The following ZNRF3 variants were observed in gnomAD, a reference collection of about 807,000 sequenced individuals.
ZNRF3 encodes the protein zinc and ring finger 3, also known as E3 ubiquitin-protein ligase ZNRF3.
A neutral mutation model predicts 72.5 loss-of-function variants in ZNRF3; 23 were observed. The observed-to-expected ratio is 0.32, with a 90% CI of 0.23 to 0.45. ZNRF3 has a LOEUF of 0.45. ZNRF3 is among the 20% of genes least tolerant of loss of function. ZNRF3 has a pLI of 1.00. For missense variants in ZNRF3, 1,169 were observed against 1,272.1 expected (o/e 0.92, Z 1.23); for synonymous variants, 610 against 545.3 (o/e 1.12, Z -1.65).
At chr22:28,897,691 T>G (rs1003856873) in intron 1 of ZNRF3, among the ~76,000 whole-genome samples, 1 of 152,236 alleles carries the variant, frequency 6.6e-6, no homozygotes, top group African/African-American at 2.4e-5. Flanking sequence ...CCGTCTTTGC[T>G]TTCCACTGTC....
At chr22:28,984,937 C>T (rs1045872531) in intron 1 of ZNRF3, among the ~76,000 whole-genome samples, 4 of 152,294 alleles carry the variant, frequency 2.6e-5, no homozygotes, top group East Asian at 1.9e-4. Flanking sequence ...TCCCAGGGCC[C>T]TCTATCTCAT....
Position 29,046,877 on chromosome 22 carries a change from T to C in ZNRF3, c.906T>C (p.Asp302=). ...DCAICLEKYI[D]GEELRVIPCT... ...CCATCTGTCTGGAGAAGTACATTGA[T>C]GGAGAGGTAATGGCAGAAGCAGGCC... Residue 302 remains aspartate (D), a synonymous_variant, in exon 6 of 9, where the codon GAT becomes GAC. Transcript: ENST00000544604. 2.5e-6 allele frequency: 4 copies of C among 1,577,148 alleles called. No homozygotes were observed. Among genetic ancestry groups the C allele is most frequent in the Non-Finnish European group, 3.5e-6 (4 of 1,158,824 alleles).
At chr22:29,023,648 C>T (rs967119779) in intron 2 of ZNRF3, among the ~76,000 whole-genome samples, 4 of 152,202 alleles carry the variant, frequency 2.6e-5, no homozygotes, top group Non-Finnish European at 5.9e-5. Flanking sequence ...GGGTGTGCTG[C>T]ATTGTCTCCC....
chr22:28,952,340 C>T (rs975862491), intron 1 of ZNRF3, among the ~76,000 whole-genome samples: 2 of 152,212 alleles, frequency 1.3e-5, no homozygotes, highest in Non-Finnish European at 2.9e-5. Context: ...ACGGGTGCTC[C>T]ACTGCAGCAG....
chr22:29,014,111 A>G (rs1458940961), intron 2 of ZNRF3, among the ~76,000 whole-genome samples: 2 of 152,230 alleles, frequency 1.3e-5, no homozygotes, highest in African/African-American at 2.4e-5. Flanking sequence ...TTTCTGTGTC[A>G]TTGCTGTAAA....
chr22:29,021,228 G>C (rs1374743143), intron 2 of ZNRF3, among the ~76,000 whole-genome samples: 1 of 151,494 alleles, frequency 6.6e-6, no homozygotes. Context: ...GCGAAACTCT[G>C]TCTCAAAAAA....
intron 1 of ZNRF3, among the ~76,000 whole-genome samples, chr22:28,934,944 A>G (rs1413592278): frequency 6.6e-6 from 1 of 151,672 alleles, no homozygotes; most frequent in African/African-American, 2.4e-5. Flanking sequence ...CTCTATACTC[A>G]CACATGGTTT....
chr22:29,044,741 A>T, intron 4 of ZNRF3, 39 bp from the exon 5 acceptor site: 1 of 1,429,338 alleles, frequency 7.0e-7, no homozygotes, highest in Non-Finnish European at 9.9e-7. Flanking sequence ...ACCAGGCTGG[A>T]GAGAGGCTGT....
intron 1 of ZNRF3, among the ~76,000 whole-genome samples, chr22:28,909,747 A>ATTTTTTTT (rs11432409): frequency 1.8e-5 from 2 of 113,890 alleles, no homozygotes; most frequent in African/African-American, 3.2e-5. Context: ...TGCCTGGCTA[A>ATTTTTTTT]TTTTTTTTTT....
At chr22:28,949,870 A>C (rs1308665669) in intron 1 of ZNRF3, among the ~76,000 whole-genome samples, 1 of 152,238 alleles carries the variant, frequency 6.6e-6, no homozygotes, top group East Asian at 1.9e-4. Context: ...TACAGCTAAC[A>C]ATCACACAAG....
intron 1 of ZNRF3, among the ~76,000 whole-genome samples, chr22:28,956,246 T>C (rs946273094): frequency 6.6e-6 from 1 of 151,920 alleles, no homozygotes; most frequent in Non-Finnish European, 1.5e-5. Context: ...GACAGGCATG[T>C]AGTATGGATA....
rs145253760 is a variant in ZNRF3, at chr22:28,926,328, A to G, written c.300+42262A>G. ...TTGATTTGAAGAAAAATCTCTAAAC[A>G]GTATTTTGTTTCTTTGATTGATTGA... On this transcript the variant is annotated intron_variant, in intron 1 of 8. Coordinates refer to ENST00000544604, the MANE Select transcript of ZNRF3 (RefSeq NM_001206998.2). Among the ~76,000 whole-genome samples, 447 of 152,226 alleles carry G rather than the reference A, an allele frequency of 2.9e-3. 3 individuals carry two copies. The highest frequency in any genetic ancestry group is 1.0e-2 in the African/African-American group (415 of 41,534).
chr22:28,907,175 T>A (rs2034225657), intron 1 of ZNRF3, among the ~76,000 whole-genome samples: 1 of 150,148 alleles, frequency 6.7e-6, no homozygotes, highest in Non-Finnish European at 1.5e-5. Flanking sequence ...TGTATTTTAG[T>A]AAAGACAGGG....
intron 1 of ZNRF3, among the ~76,000 whole-genome samples, chr22:28,968,413 TA>T (rs1214315484): frequency 3.9e-5 from 6 of 152,206 alleles, no homozygotes; most frequent in Non-Finnish European, 8.8e-5. Context: ...AACATACATT[TA>T]AAAGTCATTG....
chr22:28,981,262 A>G (rs1405707526), intron 1 of ZNRF3, among the ~76,000 whole-genome samples: 2 of 152,224 alleles, frequency 1.3e-5, no homozygotes, highest in Admixed American at 1.3e-4. Flanking sequence ...GAGTTTAGGA[A>G]TTTCTTACAG....
chr22:29,024,760 A>G (rs553931038), intron 2 of ZNRF3, among the ~76,000 whole-genome samples: 2 of 152,220 alleles, frequency 1.3e-5, no homozygotes, highest in African/African-American at 2.4e-5. Context: ...GCCTTGGTGT[A>G]GGGATTAGGG....
chr22:29,029,733 C>T (rs2036710280), intron 2 of ZNRF3, among the ~76,000 whole-genome samples: 1 of 152,140 alleles, frequency 6.6e-6, no homozygotes, highest in South Asian at 2.1e-4. Flanking sequence ...CCCCAGTTGC[C>T]TCCTCCGTGA....
intron 2 of ZNRF3, among the ~76,000 whole-genome samples, chr22:29,032,391 A>G (rs1387973784): frequency 1.3e-5 from 2 of 152,174 alleles, no homozygotes; most frequent in Non-Finnish European, 2.9e-5. Flanking sequence ...CTGGGGCCTG[A>G]TACAGATCCA....
intron 1 of ZNRF3, chr22:28,917,305 G>A (rs1434120094): frequency 3.5e-6 from 1 of 282,190 alleles, no homozygotes; most frequent in Non-Finnish European, 5.0e-6. Flanking sequence ...ACACACACAC[G>A]ACACTAGGTA....
Sources: allele counts gnomAD v4.1 joint callset (sites outside exome capture counted in the v4.1 genomes callset), GRCh38; gene constraint gnomAD v4.1.1; transcripts MANE v1.5; gene names NCBI Gene and HGNC (gene_info 2026-07-23, HGNC 2026-07-21).